The following OTOF variants were observed in gnomAD, a reference collection of about 807,000 sequenced individuals.
The protein encoded by OTOF is fer-1-like family member 2.
Under a neutral mutation model 236.8 loss-of-function variants are expected in OTOF, and 218 were observed. The ratio of observed to expected loss-of-function variants is 0.92; its 90% CI spans 0.82 to 1.03. The LOEUF is 1.03. Among genes scored for constraint, OTOF ranks in the 50% least tolerant of loss-of-function variants. The pLI, the probability that OTOF is intolerant of heterozygous loss-of-function variation, is 0.00. For missense variants in OTOF, 2,590 were observed against 2,694.4 expected (o/e 0.96, Z 0.86); for synonymous variants, 1,041 against 1,072.5 (o/e 0.97, Z 0.57).
Position 26,483,604 on chromosome 2 carries a change from G to T in OTOF, c.1250C>A (p.Ala417Asp). ...TCGGTAAATTTTCACATAGAACCGG[G>T]CCCACTGGCGTTCGGGGGGCACCCC... ...PEGVPPERQW[A>D]RFYVKIYRAE... Residue 417 changes from alanine to aspartate, a missense_variant, in exon 13 of 47, where the codon GCC (alanine) becomes GAC (aspartate). Around this residue, in one of 2 missense-constraint regions of OTOF, gnomAD observed 1,379 missense variants for 1,341.6 expected, o/e 1.03. Transcript: ENST00000272371. The T allele has an allele frequency of 6.2e-7, 1 of 1,613,360 alleles. No individual in the cohort carries two copies. The highest frequency in any genetic ancestry group is 8.5e-7 in the Non-Finnish European group (1 of 1,180,014).
rs1325851649 is a variant in OTOF at position 26,462,117 on chromosome 2, T to TGAAGAAGTCGTCGTCCTCCAA, written c.5236_5256dup (p.Leu1746_Phe1752dup). 1.9e-6 allele frequency: 3 copies of TGAAGAAGTCGTCGTCCTCCAA among 1,612,340 alleles called. No homozygotes were observed. Among genetic ancestry groups the TGAAGAAGTCGTCGTCCTCCAA allele is most frequent in the Admixed American group, 3.3e-5 (2 of 59,914 alleles). On this transcript the variant is annotated inframe_insertion, in exon 42 of 47. Transcript: ENST00000272371. The surrounding 1 kb of genome is among the most constrained non-coding windows in gnomAD (Gnocchi z 4.7). The stretch of plus-strand genomic sequence containing the variant: ...AAGATGTCACTGGACTTCTCCCCTG[T>TGAAGAAGTCGTCGTCCTCCAA]GAAGAAGTCGTCGTCCTCCAAGACC...
In OTOF at chr2:26,460,834, G is replaced by A; in HGVS notation, c.5712+18C>T. ...AGTCCCAGCCCTGCCTACTGCCCGAGCAGGAAGGGGTGCGCACCGTGAGCT... is the reference window on the plus strand; with the variant it reads ...AGTCCCAGCCCTGCCTACTGCCCGAACAGGAAGGGGTGCGCACCGTGAGCT... On this transcript the variant is annotated intron_variant, in intron 44 of 46. Coordinates refer to ENST00000272371, the MANE Select transcript of OTOF (RefSeq NM_194248.3). This position sits in a 1 kb window ranked among gnomAD's most constrained non-coding sequence, Gnocchi z 5.3. 6.2e-7 allele frequency: 1 copy of A among 1,614,124 alleles called. No individual in the cohort carries two copies. Among genetic ancestry groups the A allele is most frequent in the South Asian group, 1.1e-5 (1 of 91,084 alleles).
chr2:26,492,456 G>A (rs1160069057), intron 9 of OTOF, among the ~76,000 whole-genome samples: 2 of 152,224 alleles, frequency 1.3e-5, no homozygotes, highest in South Asian at 2.1e-4. Context: ...GTCCAAAGAT[G>A]AGCAGAATGA....
At chr2:26,527,275 C>T (rs541447374) in intron 3 of OTOF, among the ~76,000 whole-genome samples, 1 of 152,260 alleles carries the variant, frequency 6.6e-6, no homozygotes, top group African/African-American at 2.4e-5. Context: ...ACACAGCTGC[C>T]CTTTGAGGTA....
At chr2:26,526,861 G>T (rs1274431358) in intron 3 of OTOF, among the ~76,000 whole-genome samples, 1 of 152,066 alleles carries the variant, frequency 6.6e-6, no homozygotes, top group African/African-American at 2.4e-5. Context: ...AAGAGCAACC[G>T]ATTTTTTTTT....
At chr2:26,499,703 G>T (rs1238993528) in intron 8 of OTOF, among the ~76,000 whole-genome samples, 2 of 152,016 alleles carry the variant, frequency 1.3e-5, no homozygotes, top group African/African-American at 2.4e-5. Flanking sequence ...TAGAGACGGG[G>T]TTTCACCATG....
Position 26,489,259 on chromosome 2 carries a change from G to C in OTOF, c.997C>G (p.Leu333Val), listed in dbSNP as rs1348135923. ...HSKNLLRSGT[L>V]VGSFKMDVGT... Reference sequence around the variant, plus strand: ...ACGTCCATTTTGAAGGAGCCCACCAGGGTGCCACTGCGCAGCAGGTTCTTG... The same window carrying C: ...ACGTCCATTTTGAAGGAGCCCACCACGGTGCCACTGCGCAGCAGGTTCTTG... The change falls in exon 11 of 47, where the codon CTG becomes GTG. Residue 333 changes from leucine (L) to valine (V), a missense_variant. By Grantham distance (32) the Leu-to-Val change is conservative. Around this residue, in one of 2 missense-constraint regions of OTOF, gnomAD observed 1,379 missense variants for 1,341.6 expected, o/e 1.03. Coordinates refer to ENST00000272371, the MANE Select transcript of OTOF (RefSeq NM_194248.3). 1.4e-5 allele frequency: 22 copies of C among 1,613,116 alleles called. No homozygotes were observed. The highest frequency in any genetic ancestry group is 1.9e-5 in the Non-Finnish European group (22 of 1,179,840).
chr2:26,460,598 C>A lies in OTOF; in HGVS notation c.5813+49G>T. On this transcript the variant is annotated intron_variant, in intron 45 of 46. Coordinates refer to ENST00000272371, the MANE Select transcript of OTOF (RefSeq NM_194248.3). The surrounding 1 kb of genome is among the most constrained non-coding windows in gnomAD (Gnocchi z 5.3). ...GGGGATCGTCTCCTTCCTGTTCCAGCGCCTCCAAGAGCCAGAGTGGGGAGG... is the reference window on the plus strand; with the variant it reads ...GGGGATCGTCTCCTTCCTGTTCCAGAGCCTCCAAGAGCCAGAGTGGGGAGG... 1 of 1,426,418 alleles carries A rather than the reference C, an allele frequency of 7.0e-7. No individual in the cohort carries two copies. Among genetic ancestry groups the A allele is most frequent in the Non-Finnish European group, 9.9e-7 (1 of 1,012,412 alleles). The allele number at this position is 1,426,418 out of a possible 1,614,324, so 88.4% of individuals were successfully genotyped here. A position where few individuals can be genotyped will look rare whatever the true frequency, so the allele number is the denominator to read the frequency against.
intron 1 of OTOF, among the ~76,000 whole-genome samples, chr2:26,555,031 G>A (rs774288617): frequency 6.6e-6 from 1 of 152,172 alleles, no homozygotes; most frequent in Non-Finnish European, 1.5e-5. Flanking sequence ...CAGCCTTGGT[G>A]CTCAGCACTG....
chr2:26,528,440 C>A (rs557496749), intron 2 of OTOF, among the ~76,000 whole-genome samples: 2 of 152,366 alleles, frequency 1.3e-5, no homozygotes, highest in Admixed American at 6.5e-5. Context: ...GTTCAAACCA[C>A]TCCTCACTCT....
intron 30 of OTOF, among the ~76,000 whole-genome samples, chr2:26,471,996 T>C (rs551279943): frequency 4.0e-5 from 6 of 151,390 alleles, no homozygotes; most frequent in Admixed American, 3.9e-4. Context: ...CACACACATA[T>C]GCACACACCA....
intron 2 of OTOF, among the ~76,000 whole-genome samples, chr2:26,532,008 G>A (rs1389231594): frequency 2.1e-5 from 3 of 145,058 alleles, no homozygotes; most frequent in South Asian, 2.2e-4. Flanking sequence ...CAGGAGAATC[G>A]CTTGAACCTG....
rs369672118 is a variant in OTOF at position 26,465,943 on chromosome 2, C to A, written c.4628+6G>T. 1 of 1,614,120 alleles carries A rather than the reference C, an allele frequency of 6.2e-7. No individual in the cohort carries two copies. Among genetic ancestry groups the A allele is most frequent in the Non-Finnish European group, 8.5e-7 (1 of 1,180,046 alleles). ...TGTGGCAGGGGAGGGCACCAAGAAG[C>A]CTTACTTCCCAAAGACAGGGTTGAG... On this transcript the variant is annotated splice_donor_region_variant and intron_variant, in intron 37 of 46. Coordinates refer to ENST00000272371, the MANE Select transcript of OTOF (RefSeq NM_194248.3).
Position 26,527,979 on chromosome 2 carries a change from G to A in OTOF, c.139-59C>T, listed in dbSNP as rs1666851510. The stretch of plus-strand genomic sequence containing the variant: ...CAATAACAGGTAGGAGCCGTGGGGT[G>A]TGGGAGGGGAATCTCTTGTGGGGAT... On this transcript the variant is annotated intron_variant, in intron 2 of 46. Transcript: ENST00000272371. The A allele has an allele frequency of 1.1e-5, 13 of 1,222,252 alleles. No individual in the cohort carries two copies. In the South Asian group the frequency reaches 1.3e-4, roughly 12 times the overall value. The allele number at this position is 1,222,252 out of a possible 1,614,324, so 75.7% of individuals were successfully genotyped here.
chr2:26,557,669 C>CAGGT (rs746649527), intron 1 of OTOF, among the ~76,000 whole-genome samples: 4 of 152,020 alleles, frequency 2.6e-5, no homozygotes, highest in Non-Finnish European at 4.4e-5. Flanking sequence ...TAGCTCCCAC[C>CAGGT]CGCTGGTCCT....
At chr2:26,524,563 CA>C (rs1283404963) in intron 3 of OTOF, among the ~76,000 whole-genome samples, 1 of 152,204 alleles carries the variant, frequency 6.6e-6, no homozygotes, top group Non-Finnish European at 1.5e-5. Flanking sequence ...TCAACATATT[CA>C]CTGCATGGGA....
Position 26,473,663 on chromosome 2 carries a change from G to A in OTOF, c.3409-96C>T. On this transcript the variant is annotated intron_variant, in intron 27 of 46. Transcript: ENST00000272371. The surrounding 1 kb of genome is among the most constrained non-coding windows in gnomAD (Gnocchi z 7.2). ...GGACCATCCAATAGGGAACCGGGCA[G>A]TGGGATGGGCAGTAGTTCACCCCAG... 2 of 1,285,150 alleles carry A rather than the reference G, an allele frequency of 1.6e-6. No homozygotes were observed. The highest frequency in any genetic ancestry group is 2.1e-6 in the Non-Finnish European group (2 of 931,488). The allele number at this position is 1,285,150 out of a possible 1,614,324, so 79.6% of individuals were successfully genotyped here.
intron 2 of OTOF, among the ~76,000 whole-genome samples, chr2:26,529,211 G>A (rs908192476): frequency 9.2e-5 from 14 of 152,202 alleles, no homozygotes; most frequent in Non-Finnish European, 1.9e-4. Context: ...ACCAGACAAC[G>A]CTGAGGTCTG....
At chr2:26,483,016 G>GGT (rs1217240142) in intron 13 of OTOF, among the ~76,000 whole-genome samples, 2 of 111,550 alleles carry the variant, frequency 1.8e-5, no homozygotes, top group Non-Finnish European at 3.7e-5. Context: ...TGTGTGAATG[G>GGT]GTGTGTGTGC....
Sources: gnomAD v4.1 joint callset for allele counts (sites outside exome capture counted in the v4.1 genomes callset) on GRCh38, gnomAD v4.1.1 for gene constraint, gnomAD v4.1.1 regional missense constraint, Gnocchi (gnomAD v3.1) non-coding constraint, MANE v1.5 for transcripts, NCBI Gene and HGNC (gene_info 2026-07-23, HGNC 2026-07-21) for gene names.